ZBTB41: variants seen among roughly 807,000 people sequenced by gnomAD.
The protein encoded by ZBTB41 is zinc finger and BTB domain-containing protein 41.
Under a neutral mutation model 87.6 loss-of-function variants are expected in ZBTB41, and 42 were observed. The ratio of observed to expected loss-of-function variants is 0.48; its 90% CI spans 0.37 to 0.62. ZBTB41 has a LOEUF of 0.62. Among genes scored for constraint, ZBTB41 ranks in the 20% least tolerant of loss-of-function variants. ZBTB41 has a pLI of 0.00. For missense variants in ZBTB41, 799 were observed against 1,078.9 expected (o/e 0.74, Z 3.63); for synonymous variants, 364 against 364.0 (o/e 1.00, Z 0.00).
Position 197,159,774 on chromosome 1 carries a change from G to C in ZBTB41, c.2315C>G (p.Ser772Cys), listed in dbSNP as rs1659155818. The C allele has an allele frequency of 6.2e-7, 1 of 1,614,034 alleles. No individual in the cohort carries two copies. The highest frequency in any genetic ancestry group is 8.5e-7 in the Non-Finnish European group (1 of 1,179,930). The part of the protein sequence containing the change: ...KLVSLPVEYS[S>C]DDKIFQTETK... ...TTCTGTTTGAAAGATTTTGTCATCA[G>C]ATGAGTACTCAACTGGCAAGGATAC... is the stretch of plus-strand genomic sequence containing the variant. The change falls in exon 11 of 11, where the codon TCT becomes TGT. Residue 772 changes from serine to cysteine, a missense_variant. By Grantham distance (112) the Ser-to-Cys change is moderately radical. Transcript: ENST00000367405.
At chr1:197,173,733 A>C (rs745794061) in intron 9 of ZBTB41, among the ~76,000 whole-genome samples, 1 of 152,112 alleles carries the variant, frequency 6.6e-6, no homozygotes, top group Non-Finnish European at 1.5e-5. Flanking sequence ...TGCTTGGTTT[A>C]CCTTATTCCA....
intron 2 of ZBTB41, among the ~76,000 whole-genome samples, chr1:197,192,559 T>C (rs900903278): frequency 3.9e-5 from 6 of 152,202 alleles, no homozygotes; most frequent in African/African-American, 1.4e-4. Flanking sequence ...ACTGTGAATA[T>C]GCACATCTAG....
chr1:197,183,145 G>A (rs977158132), intron 5 of ZBTB41, among the ~76,000 whole-genome samples: 16 of 151,840 alleles, frequency 1.1e-4, no homozygotes, highest in Non-Finnish European at 5.9e-5. Flanking sequence ...AATAATAGTG[G>A]CCCAAAATGC....
At chr1:197,187,156 C>T (rs1392997522) in intron 5 of ZBTB41, among the ~76,000 whole-genome samples, 3 of 152,186 alleles carry the variant, frequency 2.0e-5, no homozygotes, top group Non-Finnish European at 2.9e-5. Flanking sequence ...TTCTTACAAA[C>T]TAATTATACT....
In ZBTB41 at chr1:197,158,440, A is replaced by T. The variant is rs1391036696; in HGVS notation, c.*919T>A. On this transcript the variant is annotated 3_prime_UTR_variant, in exon 11 of 11. Coordinates refer to ENST00000367405, the MANE Select transcript of ZBTB41 (RefSeq NM_194314.3). ...CCCAGAGTTTCTATCAGCCAAGTAA[A>T]TGAAATCAAAAGTAGCATGTTTAAT... is the stretch of plus-strand genomic sequence containing the variant. 1.3e-5 allele frequency: 2 copies of T among 152,450 alleles called. No individual in the cohort carries two copies. The highest frequency in any genetic ancestry group is 6.6e-5 in the Admixed American group (1 of 15,240). The allele number at this position is 152,450 out of a possible 1,614,324, so 9.4% of individuals were successfully genotyped here. A position where few individuals can be genotyped will look rare whatever the true frequency, so the allele number is the denominator to read the frequency against.
Position 197,176,626 on chromosome 1 carries a change from T to C in ZBTB41, c.1817A>G (p.Asp606Gly). Residue 606 changes from aspartate (D) to glycine (G), a missense_variant, in exon 8 of 11, where the codon GAT becomes GGT. Coordinates refer to ENST00000367405, the MANE Select transcript of ZBTB41 (RefSeq NM_194314.3). Reference protein sequence around the residue: ...VHHDDKRYECDECGKTFIRHD... With the variant: ...VHHDDKRYECGECGKTFIRHD... ...ACGGATAAATGTTTTTCCACATTCA[T>C]CGCACTCATATCTTTTATCATCATG... The C allele has an allele frequency of 1.2e-6, 2 of 1,612,228 alleles. No individual in the cohort carries two copies. Among genetic ancestry groups the C allele is most frequent in the Non-Finnish European group, 1.7e-6 (2 of 1,179,084 alleles).
At chr1:197,200,717 T>C (rs567237942) in intron 1 of ZBTB41, among the ~76,000 whole-genome samples, 127 bp from the exon 2 acceptor site, 2 of 152,326 alleles carry the variant, frequency 1.3e-5, no homozygotes, top group East Asian at 3.9e-4. Flanking sequence ...CTTACACTCA[T>C]TCGTGGCAAA....
At chr1:197,176,449 G>C (rs1451421889) in intron 8 of ZBTB41, 115 bp downstream of exon 8, 1 of 674,950 alleles carries the variant, frequency 1.5e-6, no homozygotes, top group East Asian at 2.8e-5. Flanking sequence ...ACAAAGAAGT[G>C]ATGAGCATAA....
intron 6 of ZBTB41, among the ~76,000 whole-genome samples, chr1:197,179,955 A>G (rs1659703995): frequency 6.6e-6 from 1 of 152,062 alleles, no homozygotes; most frequent in Non-Finnish European, 1.5e-5. Flanking sequence ...TAATACATTT[A>G]GTGAAACCTA....
At chr1:197,167,386 G>T (rs1347460979) in intron 10 of ZBTB41, among the ~76,000 whole-genome samples, 2 of 151,954 alleles carry the variant, frequency 1.3e-5, no homozygotes, top group Non-Finnish European at 2.9e-5. Flanking sequence ...GTAGAGAAGG[G>T]GTTTTGCCAT....
chr1:197,159,092 T>C lies in ZBTB41; in HGVS notation c.*267A>G, dbSNP rs1264198704. On this transcript the variant is annotated 3_prime_UTR_variant, in exon 11 of 11. Transcript: ENST00000367405. ...CTTCCATAATATCAGCAGCTAATAA[T>C]TGCAAAAAATTTAAGAAACCATTAA... The C allele has an allele frequency of 1.7e-5, 6 of 350,808 alleles. No individual in the cohort carries two copies. Among genetic ancestry groups the C allele is most frequent in the Non-Finnish European group, 2.6e-5 (5 of 195,102 alleles). The allele number at this position is 350,808 out of a possible 1,614,324, so 21.7% of individuals were successfully genotyped here.
At chr1:197,184,079 T>C (rs572989658) in intron 5 of ZBTB41, among the ~76,000 whole-genome samples, 13 of 152,326 alleles carry the variant, frequency 8.5e-5, no homozygotes, top group Admixed American at 7.2e-4. Context: ...TTACCTAAAA[T>C]TTTCAAATCA....
intron 6 of ZBTB41, 74 bp downstream of exon 6, chr1:197,180,914 C>T (rs1659729763): frequency 1.4e-6 from 2 of 1,481,054 alleles, no homozygotes; most frequent in Middle Eastern, 1.9e-4. Flanking sequence ...ACCCTAATTC[C>T]TATAAATCAT....
rs547804360 is a variant in ZBTB41 at position 197,193,389 on chromosome 1, A to C, written c.1121-1490T>G. On this transcript the variant is annotated intron_variant, in intron 2 of 10. Transcript: ENST00000367405. ...CCAACTCTACAAAAAAACAAACAAA[A>C]AAAAAACCAAAAAAACAAAAAAACC... 4.8e-4 allele frequency among the ~76,000 whole-genome samples: 73 copies of C among 152,114 alleles called. 1 individual carries two copies. Among genetic ancestry groups the C allele is most frequent in the South Asian group, 2.5e-3 (12 of 4,822 alleles).
intron 5 of ZBTB41, among the ~76,000 whole-genome samples, chr1:197,182,978 G>C (rs905632708): frequency 6.6e-6 from 1 of 151,978 alleles, no homozygotes; most frequent in Non-Finnish European, 1.5e-5. Flanking sequence ...TGATTCAAGG[G>C]AACAGAAACA....
At chr1:197,189,353 C>T (rs1239872697) in intron 4 of ZBTB41, among the ~76,000 whole-genome samples, 1 of 151,856 alleles carries the variant, frequency 6.6e-6, no homozygotes, top group Non-Finnish European at 1.5e-5. Context: ...TAGTGAAACC[C>T]CATCACTACT....
intron 10 of ZBTB41, among the ~76,000 whole-genome samples, chr1:197,161,992 A>G (rs549117550): frequency 2.5e-4 from 38 of 152,264 alleles, no homozygotes; most frequent in African/African-American, 8.9e-4. Flanking sequence ...TCATTAAAAA[A>G]GTTTTATAAG....
intron 5 of ZBTB41, among the ~76,000 whole-genome samples, chr1:197,185,263 T>C (rs1571662066): frequency 6.6e-6 from 1 of 152,196 alleles, no homozygotes; most frequent in Non-Finnish European, 1.5e-5. Context: ...CAATGAAGTG[T>C]ATATTTTTAT....
chr1:197,159,738 T>C lies in ZBTB41; in HGVS notation c.2351A>G (p.Tyr784Cys). Residue 784 changes from tyrosine (Y) to cysteine (C), a missense_variant, in exon 11 of 11, where the codon TAT becomes TGT. Transcript: ENST00000367405. ...DKIFQTETKQ[Y>C]MDQPKVYQSE... Reference sequence around the variant, plus strand: ...CTGATAAACTTTGGGCTGGTCCATATATTGTTTTGTTTCTGTTTGAAAGAT... The same window carrying C: ...CTGATAAACTTTGGGCTGGTCCATACATTGTTTTGTTTCTGTTTGAAAGAT... The C allele has an allele frequency of 6.2e-7, 1 of 1,614,032 alleles. No individual in the cohort carries two copies. The highest frequency in any genetic ancestry group is 1.1e-5 in the South Asian group (1 of 91,070).
Sources: allele counts gnomAD v4.1 joint callset (sites outside exome capture counted in the v4.1 genomes callset), GRCh38; gene constraint gnomAD v4.1.1; transcripts MANE v1.5; gene names NCBI Gene and HGNC (gene_info 2026-07-23, HGNC 2026-07-21).